The following DRC11 variants were observed in gnomAD, a reference collection of about 807,000 sequenced individuals.
The protein encoded by DRC11 is dynein regulatory complex subunit 11.
chr2:236,349,607 G>T, the DRC11 span, among the ~76,000 whole-genome samples: 3 of 152,210 alleles, frequency 2.0e-5, no homozygotes, highest in Admixed American at 6.5e-5. This position sits in a 1 kb window ranked among gnomAD's most constrained non-coding sequence, Gnocchi z 5.5. Flanking sequence ...CCTTTCCTTA[G>T]CAAGTTAATG....
chr2:236,308,048 TGCTTGCAGTGACGCAGGCGTCCTCATGC>T, the DRC11 span, among the ~76,000 whole-genome samples: 1 of 149,996 alleles, frequency 6.7e-6, no homozygotes, highest in African/African-American at 2.5e-5. The surrounding 1 kb of genome is among the most constrained non-coding windows in gnomAD (Gnocchi z 6.0). Flanking sequence ...CGTCCTCGTG[TGCTTGCAGTGACGCAGGCGTCCTCATGC>T]GCTTGCAATG....
the DRC11 span, among the ~76,000 whole-genome samples, chr2:236,369,944 A>C: frequency 7.9e-5 from 12 of 152,206 alleles, no homozygotes; most frequent in Admixed American, 3.3e-4. This position sits in a 1 kb window ranked among gnomAD's most constrained non-coding sequence, Gnocchi z 4.5. Context: ...GCAGAAAACC[A>C]AACAGCGGCT....
At chr2:236,465,489 T>C in the DRC11 span, 1 of 1,608,664 alleles carries the variant, frequency 6.2e-7, no homozygotes, top group Admixed American at 1.7e-5. This position sits in a 1 kb window ranked among gnomAD's most constrained non-coding sequence, Gnocchi z 6.2. Context: ...TATGTCACGA[T>C]GTAGCTCATG....
the DRC11 span, among the ~76,000 whole-genome samples, chr2:236,395,111 G>C: frequency 6.6e-6 from 1 of 152,244 alleles, no homozygotes; most frequent in African/African-American, 2.4e-5. Context: ...AGGTGGCCCA[G>C]GGATTGGGGG....
the DRC11 span, among the ~76,000 whole-genome samples, chr2:236,389,689 CT>C: frequency 6.6e-6 from 1 of 152,176 alleles, no homozygotes; most frequent in African/African-American, 2.4e-5. Flanking sequence ...GCTCCTCTGC[CT>C]GTCATTTTTG....
the DRC11 span, chr2:236,368,184 G>T: frequency 1.9e-6 from 3 of 1,547,762 alleles, no homozygotes; most frequent in Non-Finnish European, 2.7e-6. Flanking sequence ...CGCGCACGCC[G>T]AGTCTTTACC....
At chr2:236,496,812 G>A in the DRC11 span, among the ~76,000 whole-genome samples, 33 of 152,312 alleles carry the variant, frequency 2.2e-4, 1 homozygote, top group East Asian at 3.5e-3. This position sits in a 1 kb window ranked among gnomAD's most constrained non-coding sequence, Gnocchi z 6.3. Context: ...ACAGAGGAGC[G>A]GGCGCTGCTA....
chr2:236,449,038 T>G, the DRC11 span, among the ~76,000 whole-genome samples: 1 of 151,756 alleles, frequency 6.6e-6, no homozygotes, highest in Non-Finnish European at 1.5e-5. This position sits in a 1 kb window ranked among gnomAD's most constrained non-coding sequence, Gnocchi z 5.1. Flanking sequence ...TTTTGTGTTT[T>G]TAGTAGAGAT....
the DRC11 span, among the ~76,000 whole-genome samples, chr2:236,406,555 G>A: frequency 3.9e-5 from 6 of 152,124 alleles, no homozygotes; most frequent in East Asian, 7.7e-4. This position sits in a 1 kb window ranked among gnomAD's most constrained non-coding sequence, Gnocchi z 4.7. Flanking sequence ...GGGAGAGGTC[G>A]ACCAGCGATT....
chr2:236,401,509 G>T, the DRC11 span, among the ~76,000 whole-genome samples: 1 of 152,214 alleles, frequency 6.6e-6, no homozygotes, highest in Non-Finnish European at 1.5e-5. This position sits in a 1 kb window ranked among gnomAD's most constrained non-coding sequence, Gnocchi z 4.6. Context: ...AACAAGAAGA[G>T]GGAAAGTATA....
the DRC11 span, among the ~76,000 whole-genome samples, chr2:236,324,954 T>C: frequency 6.6e-6 from 1 of 152,290 alleles, no homozygotes; most frequent in Non-Finnish European, 1.5e-5. This position sits in a 1 kb window ranked among gnomAD's most constrained non-coding sequence, Gnocchi z 5.7. Context: ...CCAGACTGTT[T>C]TTCTGCATGA....
chr2:236,394,137 C>A, the DRC11 span, among the ~76,000 whole-genome samples: 1 of 152,104 alleles, frequency 6.6e-6, no homozygotes, highest in African/African-American at 2.4e-5. The surrounding 1 kb of genome is among the most constrained non-coding windows in gnomAD (Gnocchi z 7.0). Context: ...ACACTCTGTA[C>A]CCCTCGAGGG....
At chr2:236,374,514 C>T in the DRC11 span, among the ~76,000 whole-genome samples, 138 of 152,108 alleles carry the variant, frequency 9.1e-4, 1 homozygote, top group Middle Eastern at 0.01. Flanking sequence ...CTCACGGTTC[C>T]GCAGGTTATA....
chr2:236,357,783 T>A, the DRC11 span, among the ~76,000 whole-genome samples: 5 of 126,454 alleles, frequency 4.0e-5, no homozygotes, highest in Non-Finnish European at 7.7e-5. Context: ...AAATATATGT[T>A]ATATATACAT....
chr2:236,447,498 C>A, the DRC11 span, among the ~76,000 whole-genome samples: 1 of 151,942 alleles, frequency 6.6e-6, no homozygotes, highest in Non-Finnish European at 1.5e-5. The surrounding 1 kb of genome is among the most constrained non-coding windows in gnomAD (Gnocchi z 4.6). Context: ...ATGGGACTTA[C>A]GTTTTAAGAG....
chr2:236,463,274 G>C, the DRC11 span, among the ~76,000 whole-genome samples: 1 of 152,114 alleles, frequency 6.6e-6, no homozygotes, highest in Admixed American at 6.5e-5. This position sits in a 1 kb window ranked among gnomAD's most constrained non-coding sequence, Gnocchi z 5.0. Context: ...AAGGAGAAAA[G>C]GGATGGAGAA....
chr2:236,500,587 C>G, the DRC11 span, among the ~76,000 whole-genome samples: 2 of 152,190 alleles, frequency 1.3e-5, no homozygotes, highest in Admixed American at 1.3e-4. The surrounding 1 kb of genome is among the most constrained non-coding windows in gnomAD (Gnocchi z 6.3). Context: ...AAAGAGCACT[C>G]TTCCAGACCA....
chr2:236,368,045 T>A, the DRC11 span: 2 of 675,346 alleles, frequency 3.0e-6, no homozygotes, highest in Non-Finnish European at 5.4e-6. Flanking sequence ...GGGTGCACTA[T>A]CAAAATGAAA....
At chr2:236,320,281 C>A in the DRC11 span, among the ~76,000 whole-genome samples, 1 of 152,156 alleles carries the variant, frequency 6.6e-6, no homozygotes, top group African/African-American at 2.4e-5. Context: ...GGCTTCGTTT[C>A]GCATCATCGC....
Sources: gnomAD v4.1 joint callset for allele counts (sites outside exome capture counted in the v4.1 genomes callset) on GRCh38, gnomAD v4.1.1 for gene constraint, Gnocchi (gnomAD v3.1) non-coding constraint, MANE v1.5 for transcripts, NCBI Gene and HGNC (gene_info 2026-07-23, HGNC 2026-07-21) for gene names.